GCSH: variants seen among roughly 807,000 people sequenced by gnomAD.
GCSH encodes glycine cleavage system H protein, mitochondrial.
In GCSH, 15 loss-of-function variants were observed where a neutral mutation model predicts 21.3. The observed-to-expected ratio is 0.70, with a 90% CI of 0.47 to 1.08. The LOEUF (loss-of-function observed/expected upper bound fraction) is 1.08, where lower values mean the gene tolerates loss of function less well. Among genes scored for constraint, GCSH ranks in the 50% least tolerant of loss-of-function variants. The pLI is 0.00. For synonymous variants in GCSH, 59 were observed against 84.5 expected (o/e 0.70, Z 1.66); for missense variants, 179 against 217.5 (o/e 0.82, Z 1.11).
intron 2 of GCSH, among the ~76,000 whole-genome samples, chr16:81,089,049 G>A (rs1812086055): frequency 1.3e-5 from 2 of 152,168 alleles, no homozygotes; most frequent in African/African-American, 4.8e-5. Flanking sequence ...ATACAGAGAT[G>A]CCAAGGAAGA....
intron 1 of GCSH, 142 bp downstream of exon 1, chr16:81,095,989 A>T (rs1224474203): frequency 3.0e-6 from 2 of 665,388 alleles, no homozygotes; most frequent in African/African-American, 3.7e-5. Flanking sequence ...ATCCCAACAG[A>T]AATAAGAAGG....
chr16:81,087,800 G>C (rs1474874058), intron 2 of GCSH, 136 bp from the exon 3 acceptor site: 1 of 706,410 alleles, frequency 1.4e-6, no homozygotes, highest in East Asian at 2.7e-5. Context: ...CTACATTCTT[G>C]AGTTTTCCTT....
At position 81,085,015 on chromosome 16, in the gene GCSH, C is replaced by CTTTT. The variant is rs34324394; in HGVS notation, c.293-425_293-422dup. ...TAGGCATAAGCCACTGCACCTGGCT[C>CTTTT]TTTTTTTTTTTTTTTTTTGAGACGG... On this transcript the variant is annotated intron_variant, in intron 3 of 4. Coordinates refer to ENST00000315467, the MANE Select transcript of GCSH (RefSeq NM_004483.5). Among the ~76,000 whole-genome samples, 264 of 106,796 alleles carry CTTTT rather than the reference C, an allele frequency of 2.5e-3. 22 individuals are homozygous for CTTTT. Among genetic ancestry groups the CTTTT allele is most frequent in the African/African-American group, 9.3e-3 (244 of 26,296 alleles). The allele number at this position is 106,796 out of a possible 152,430, so 70.1% of individuals were successfully genotyped here. A position where few individuals can be genotyped will look rare whatever the true frequency, so the allele number is the denominator to read the frequency against.
intron 2 of GCSH, among the ~76,000 whole-genome samples, chr16:81,088,919 T>A (rs1226083419): frequency 6.6e-6 from 1 of 152,180 alleles, no homozygotes; most frequent in Non-Finnish European, 1.5e-5. Context: ...GATGCCATCA[T>A]GTAATGTTTG....
At chr16:81,095,377 A>ATTTTTTTTTTTT (rs78295348) in intron 1 of GCSH, among the ~76,000 whole-genome samples, 8 of 146,420 alleles carry the variant, frequency 5.5e-5, no homozygotes, top group African/African-American at 1.6e-4. Context: ...TGGCGCTTTA[A>ATTTTTTTTTTTT]TTTTTTTTTT....
chr16:81,090,515 C>T (rs563763330), intron 2 of GCSH, 86 bp downstream of exon 2: 76 of 933,638 alleles, frequency 8.1e-5, no homozygotes, highest in South Asian at 6.0e-4. Flanking sequence ...AGCCACCTCA[C>T]GCAGCCTAAA....
At position 81,092,302 on chromosome 16, in the gene GCSH, T is replaced by C. The variant is rs8177857; in HGVS notation, c.149-1622A>G. Among the ~76,000 whole-genome samples, 759 of 128,702 alleles carry C rather than the reference T, an allele frequency of 5.9e-3. 7 individuals are homozygous for C. The highest frequency in any genetic ancestry group is 0.024 in the Middle Eastern group (6 of 248). The allele number at this position is 128,702 out of a possible 152,430, so 84.4% of individuals were successfully genotyped here. A position where few individuals can be genotyped will look rare whatever the true frequency, so the allele number is the denominator to read the frequency against. On this transcript the variant is annotated intron_variant, in intron 1 of 4. Coordinates refer to ENST00000315467, the MANE Select transcript of GCSH (RefSeq NM_004483.5). ...ACATACTAGAGATCATCTGTCAGTCTCCCCAGGAAGTAGGCTGTGTACCCA... is the reference window on the plus strand; with the variant it reads ...ACATACTAGAGATCATCTGTCAGTCCCCCCAGGAAGTAGGCTGTGTACCCA...
At chr16:81,095,873 C>A (rs1355469560) in intron 1 of GCSH, among the ~76,000 whole-genome samples, 1 of 152,134 alleles carries the variant, frequency 6.6e-6, no homozygotes, top group African/African-American at 2.4e-5. Flanking sequence ...ACCCCCGCCT[C>A]GGTGTCCCGC....
chr16:81,083,053 A>G, intron 4 of GCSH, 90 bp from the exon 5 acceptor site: 1 of 826,602 alleles, frequency 1.2e-6, no homozygotes. Flanking sequence ...GAGCGCCTCA[A>G]TCTTGTATTC....
chr16:81,090,551 C>T (rs539851966), intron 2 of GCSH, 50 bp downstream of exon 2: 3 of 1,233,806 alleles, frequency 2.4e-6, no homozygotes, highest in Non-Finnish European at 2.4e-6. Context: ...AGAGATAAAG[C>T]AAATCATGCA....
At chr16:81,092,383 G>C (rs941044179) in intron 1 of GCSH, among the ~76,000 whole-genome samples, 2 of 152,010 alleles carry the variant, frequency 1.3e-5, no homozygotes, top group Non-Finnish European at 2.9e-5. Context: ...TTTAAATACA[G>C]TGCTTGCCAC....
chr16:81,083,308 A>G, intron 4 of GCSH: 1 of 325,136 alleles, frequency 3.1e-6, no homozygotes, highest in South Asian at 2.7e-5. Flanking sequence ...ACTTGAGGCT[A>G]GGAGCTCTAG....
At position 81,095,411 on chromosome 16, in the gene GCSH, T is replaced by C. The variant is rs567147818; in HGVS notation, c.148+720A>G. ...TTTTTTTTTTTTTTTGAGGTGGAGT[T>C]TTGCTCTGTCGCCCAGGCTGGAGTG... is the stretch of plus-strand genomic sequence containing the variant. On this transcript the variant is annotated intron_variant, in intron 1 of 4. Coordinates refer to ENST00000315467, the MANE Select transcript of GCSH (RefSeq NM_004483.5). Among the ~76,000 whole-genome samples the C allele has an allele frequency of 1.3e-4, 19 of 142,540 alleles. 1 individual carries two copies. The South Asian group carries it at 4.0e-3, about 30-fold the overall frequency. The allele number at this position is 142,540 out of a possible 152,430, so 93.5% of individuals were successfully genotyped here.
At chr16:81,085,248 C>T (rs1349289487) in intron 3 of GCSH, among the ~76,000 whole-genome samples, 1 of 151,852 alleles carries the variant, frequency 6.6e-6, no homozygotes, top group South Asian at 2.1e-4. Flanking sequence ...CTCCTGACCT[C>T]GTGATCAACC....
chr16:81,094,959 G>T (rs936734798), intron 1 of GCSH, among the ~76,000 whole-genome samples: 1 of 152,088 alleles, frequency 6.6e-6, no homozygotes, highest in Non-Finnish European at 1.5e-5. Context: ...TGGAGGTGGT[G>T]ACGGGCGCCA....
At chr16:81,088,970 T>C (rs1490500614) in intron 2 of GCSH, among the ~76,000 whole-genome samples, 3 of 152,120 alleles carry the variant, frequency 2.0e-5, no homozygotes, top group African/African-American at 7.2e-5. Flanking sequence ...ACAAATAAAC[T>C]CTAGGAGGTA....
chr16:81,087,533 A>G (rs556873526), intron 3 of GCSH, 68 bp downstream of exon 3: 3 of 1,132,126 alleles, frequency 2.6e-6, no homozygotes, highest in Non-Finnish European at 4.0e-6. Context: ...CCAGGGTACA[A>G]ACAAATTACT....
chr16:81,089,454 A>T (rs1014840043), intron 2 of GCSH, among the ~76,000 whole-genome samples: 1 of 152,112 alleles, frequency 6.6e-6, no homozygotes, highest in African/African-American at 2.4e-5. Context: ...GTGTGTTACG[A>T]TTGCCTACAG....
chr16:81,090,411 G>A (rs778732617), intron 2 of GCSH, among the ~76,000 whole-genome samples, 190 bp downstream of exon 2: 5 of 151,686 alleles, frequency 3.3e-5, no homozygotes, highest in South Asian at 2.1e-4. Context: ...TGGTAGAGAC[G>A]GGGTCTCACT....
Sources: allele counts gnomAD v4.1 joint callset (sites outside exome capture counted in the v4.1 genomes callset), GRCh38; gene constraint gnomAD v4.1.1; transcripts MANE v1.5; gene names NCBI Gene and HGNC (gene_info 2026-07-23, HGNC 2026-07-21).